Variants in MDH1B observed in about 807,000 individuals in gnomAD.
MDH1B encodes the protein malate dehydrogenase 1B, also known as putative malate dehydrogenase 1B.
In MDH1B, 60 loss-of-function variants were observed where a neutral mutation model predicts 61.4. That is an observed-to-expected ratio of 0.98 (90% CI 0.79 to 1.21). The LOEUF (loss-of-function observed/expected upper bound fraction) is 1.21. Among genes scored for constraint, MDH1B ranks in the 50% most tolerant of loss-of-function variants. The pLI is 0.00. For missense variants in MDH1B, 587 were observed against 632.1 expected, an observed-to-expected ratio of 0.93 and a Z score of 0.76; for synonymous variants, 236 against 218.7, an observed-to-expected ratio of 1.08 and a Z score of -0.70.
In MDH1B at chr2:206,758,942, C is replaced by T. The variant is rs114048178; in HGVS notation, c.136-1571G>A. Among the ~76,000 whole-genome samples, 1,375 of 149,938 alleles carry T rather than the reference C, an allele frequency of 9.2e-3. 30 individuals are homozygous for T. The highest frequency in any genetic ancestry group is 0.032 in the African/African-American group (1,299 of 40,598). On this transcript the variant is annotated intron_variant, in intron 2 of 11. Transcript: ENST00000374412. ...CACTGAGGAGCCCAGTGTGGCTGTC[C>T]GTTCTAGGCCAAGGCTGTTTGTTTT...
At chr2:206,741,457 T>C in intron 9 of MDH1B, 1 of 281,264 alleles carries the variant, frequency 3.6e-6, no homozygotes, top group South Asian at 3.5e-5. Context: ...CTTAATCTGG[T>C]GGGCACAATC....
intron 6 of MDH1B, 46 bp downstream of exon 6, chr2:206,750,888 T>C (rs1401847744): frequency 6.8e-7 from 1 of 1,459,916 alleles, no homozygotes; most frequent in Non-Finnish European, 9.2e-7. Context: ...CCATTAAACA[T>C]TTATTTTAAC....
At position 206,749,254 on chromosome 2, in the gene MDH1B, C is replaced by T. The variant is rs1574631730; in HGVS notation, c.1053-71G>A. The stretch of plus-strand genomic sequence containing the variant: ...AAGAGAAAAAGGATGTTCCCTGGCT[C>T]AGTGGAACTAAGTATCAGAAACCTA... On this transcript the variant is annotated intron_variant, in intron 6 of 11. Transcript: ENST00000374412. 5.2e-6 allele frequency: 7 copies of T among 1,342,836 alleles called. No individual in the cohort carries two copies. The East Asian group carries it at 1.4e-4, about 27-fold the overall frequency. The allele number at this position is 1,342,836 out of a possible 1,614,324, so 83.2% of individuals were successfully genotyped here. A position where few individuals can be genotyped will look rare whatever the true frequency, so the allele number is the denominator to read the frequency against.
intron 4 of MDH1B, among the ~76,000 whole-genome samples, chr2:206,756,322 T>C (rs1170994960): frequency 1.3e-5 from 2 of 152,016 alleles, no homozygotes; most frequent in Admixed American, 6.6e-5. Context: ...AGGATACACA[T>C]GCACGTAAGA....
At chr2:206,746,192 T>G in intron 8 of MDH1B, 95 bp downstream of exon 8, 1 of 1,131,364 alleles carries the variant, frequency 8.8e-7, no homozygotes, top group Non-Finnish European at 1.2e-6. Flanking sequence ...AAAAAAAATT[T>G]GAATCCATAG....
rs761813657 is a variant in MDH1B at position 206,739,581 on chromosome 2, TCTA to T, written c.1528+9_1528+11del. 1.9e-6 allele frequency: 3 copies of T among 1,611,696 alleles called. No homozygotes were observed. Among genetic ancestry groups the T allele is most frequent in the Non-Finnish European group, 2.5e-6 (3 of 1,177,864 alleles). Reference sequence around the variant, plus strand: ...TAAGAAAATACTAGTTAATGTTTTGTCTACCACCTACCATTTAGGAACTCAAGA... The same window carrying T: ...TAAGAAAATACTAGTTAATGTTTTGTCCACCTACCATTTAGGAACTCAAGA... On this transcript the variant is annotated intron_variant, in intron 11 of 11. Transcript: ENST00000374412.
intron 2 of MDH1B, 58 bp from the exon 3 acceptor site, chr2:206,757,429 C>A (rs2105947547): frequency 9.0e-6 from 14 of 1,554,558 alleles, no homozygotes; most frequent in Non-Finnish European, 1.2e-5. Context: ...AATTCAATTT[C>A]ATACTTTAGA....
chr2:206,744,011 T>G (rs1164649001), intron 9 of MDH1B, among the ~76,000 whole-genome samples: 1 of 152,210 alleles, frequency 6.6e-6, no homozygotes, highest in Non-Finnish European at 1.5e-5. Context: ...ATCCCACAAC[T>G]GACCAGGTTC....
chr2:206,742,997 G>C (rs962297829), intron 9 of MDH1B, among the ~76,000 whole-genome samples: 2 of 152,144 alleles, frequency 1.3e-5, no homozygotes, highest in African/African-American at 4.8e-5. Context: ...TTACAGGTGT[G>C]AGCCACCACG....
At chr2:206,754,931 G>T in intron 5 of MDH1B, 78 bp downstream of exon 5, 1 of 1,451,890 alleles carries the variant, frequency 6.9e-7, no homozygotes, top group Non-Finnish European at 9.4e-7. Context: ...TTCCTAGAGG[G>T]GACAGTGTTC....
chr2:206,758,560 G>A (rs1688895933), intron 2 of MDH1B, among the ~76,000 whole-genome samples: 1 of 152,138 alleles, frequency 6.6e-6, no homozygotes. Context: ...GAGGTCAAGA[G>A]TTCGAGACAA....
At chr2:206,751,356 T>C (rs1365756758) in intron 5 of MDH1B, among the ~76,000 whole-genome samples, 1 of 152,056 alleles carries the variant, frequency 6.6e-6, no homozygotes, top group Non-Finnish European at 1.5e-5. Flanking sequence ...CTACTGAAAA[T>C]TATTTCACTG....
rs151309210 is a variant in MDH1B at position 206,756,167 on chromosome 2, C to T, written c.414-662G>A. ...ATGGGGGTTTCAACAGTATCTGTAC[C>T]GATTTAATCCTTTGAAACATCTAAA... is the stretch of plus-strand genomic sequence containing the variant. On this transcript the variant is annotated intron_variant, in intron 4 of 11. Transcript: ENST00000374412. Among the ~76,000 whole-genome samples the T allele has an allele frequency of 2.1e-3, 320 of 152,114 alleles. 2 individuals carry two copies. The highest frequency in any genetic ancestry group is 7.2e-3 in the African/African-American group (297 of 41,460).
At position 206,765,287 on chromosome 2, in the gene MDH1B, A is replaced by G; in HGVS notation, c.-16T>C. 6.3e-7 allele frequency: 1 copy of G among 1,596,552 alleles called. No individual in the cohort carries two copies. The highest frequency in any genetic ancestry group is 2.3e-5 in the East Asian group (1 of 43,580). On this transcript the variant is annotated 5_prime_UTR_variant, in exon 1 of 12. Coordinates refer to ENST00000374412, the MANE Select transcript of MDH1B (RefSeq NM_001039845.3). Reference sequence around the variant, plus strand: ...ATTTGGCCATGGTCGAGAGAGACTCAGAGGCAGGGACCGCGGCTTCGCGGT... The same window carrying G: ...ATTTGGCCATGGTCGAGAGAGACTCGGAGGCAGGGACCGCGGCTTCGCGGT...
chr2:206,749,253 T>A, intron 6 of MDH1B, 70 bp from the exon 7 acceptor site: 1 of 1,335,700 alleles, frequency 7.5e-7, no homozygotes. Context: ...GTTCCCTGGC[T>A]CAGTGGAACT....
chr2:206,759,073 C>G (rs1481161761), intron 2 of MDH1B, among the ~76,000 whole-genome samples: 1 of 150,658 alleles, frequency 6.6e-6, no homozygotes, highest in African/African-American at 2.4e-5. Context: ...CAAATTATTT[C>G]ATCACCCAGG....
At chr2:206,764,526 G>A in intron 1 of MDH1B, among the ~76,000 whole-genome samples, 1 of 152,172 alleles carries the variant, frequency 6.6e-6, no homozygotes, top group East Asian at 1.9e-4. Context: ...ACGAGGAGAG[G>A]AGGTAGGTAC....
At chr2:206,742,640 C>G (rs902424392) in intron 9 of MDH1B, among the ~76,000 whole-genome samples, 1 of 151,460 alleles carries the variant, frequency 6.6e-6, no homozygotes, top group South Asian at 2.1e-4. Flanking sequence ...TGGTGGGCCT[C>G]TAGAGGTGAG....
chr2:206,761,107 AG>A, intron 1 of MDH1B, 94 bp from the exon 2 acceptor site: 1 of 649,052 alleles, frequency 1.5e-6, no homozygotes, highest in Non-Finnish European at 2.6e-6. Flanking sequence ...AATTAGTCAT[AG>A]TTATGATATA....
Sources: gnomAD v4.1 joint callset for allele counts (sites outside exome capture counted in the v4.1 genomes callset) on GRCh38, gnomAD v4.1.1 for gene constraint, MANE v1.5 for transcripts, NCBI Gene and HGNC (gene_info 2026-07-23, HGNC 2026-07-21) for gene names.